The following PLXNB1 variants were observed in gnomAD, a reference collection of about 807,000 sequenced individuals.
The protein encoded by PLXNB1 is plexin-B1.
In PLXNB1, 106 loss-of-function variants were observed where a neutral mutation model predicts 209.4. That is an observed-to-expected ratio of 0.51 (90% CI 0.43 to 0.59). PLXNB1 has a LOEUF of 0.59. Ranked by LOEUF, PLXNB1 falls within the 20% of genes least tolerant of loss-of-function variation. The probability of loss-of-function intolerance (pLI) is 0.00; values close to 1 mark genes in which losing one functional copy is unlikely to be tolerated. For synonymous variants in PLXNB1, 1,167 were observed against 1,183.2 expected, an observed-to-expected ratio of 0.99 and a Z score of 0.28; for missense variants, 2,357 against 2,853.2, an observed-to-expected ratio of 0.83 and a Z score of 3.96.
chr3:48,416,532 C>G lies in PLXNB1; in HGVS notation c.3375-81G>C. On this transcript the variant is annotated intron_variant, in intron 16 of 37. Coordinates refer to ENST00000296440, the MANE Select transcript of PLXNB1 (RefSeq NM_001130082.3). The surrounding 1 kb of genome is among the most constrained non-coding windows in gnomAD (Gnocchi z 4.1). Reference sequence around the variant, plus strand: ...TTACCTGGCAGCCCCTCTCCCTGCCCTACTGTCAGGTGGTCTTCCCCTTCC... The same window carrying G: ...TTACCTGGCAGCCCCTCTCCCTGCCGTACTGTCAGGTGGTCTTCCCCTTCC... 1.1e-6 allele frequency: 1 copy of G among 872,502 alleles called. No individual in the cohort carries two copies. The highest frequency in any genetic ancestry group is 1.8e-6 in the Non-Finnish European group (1 of 551,574). The allele number at this position is 872,502 out of a possible 1,614,324, so 54.0% of individuals were successfully genotyped here. A position where few individuals can be genotyped will look rare whatever the true frequency, so the allele number is the denominator to read the frequency against.
intron 34 of PLXNB1, among the ~76,000 whole-genome samples, chr3:48,407,555 G>A (rs568725640): frequency 3.3e-5 from 5 of 152,304 alleles, no homozygotes; most frequent in Non-Finnish European, 5.9e-5. Context: ...TAGACACAGC[G>A]TCTACAACTG....
Position 48,409,528 on chromosome 3 carries a change from A to G in PLXNB1, c.5939+43T>C. The G allele has an allele frequency of 6.2e-7, 1 of 1,613,914 alleles. No homozygotes were observed. The highest frequency in any genetic ancestry group is 8.5e-7 in the Non-Finnish European group (1 of 1,179,860). ...GAATGTGCTGGGGAGGCAGAAGAGA[A>G]GACCCCCCACACACACCTAGAGCCC... On this transcript the variant is annotated intron_variant, in intron 33 of 37. Transcript: ENST00000296440. This position sits in a 1 kb window ranked among gnomAD's most constrained non-coding sequence, Gnocchi z 5.8.
intron 1 of PLXNB1, among the ~76,000 whole-genome samples, chr3:48,425,610 G>C (rs1305632770): frequency 1.3e-5 from 2 of 152,134 alleles, no homozygotes; most frequent in African/African-American, 2.4e-5. Flanking sequence ...GCAGGGCCCA[G>C]CCAGGCCCCC....
chr3:48,423,436 C>T, intron 3 of PLXNB1, 69 bp downstream of exon 3: 2 of 1,547,104 alleles, frequency 1.3e-6, no homozygotes, highest in East Asian at 2.3e-5. Flanking sequence ...CTCTGGGCAG[C>T]TCCTTGGCTG....
chr3:48,424,414 G>A lies in PLXNB1; in HGVS notation c.198C>T (p.Ala66=). Residue 66 remains alanine (A), a synonymous_variant, in exon 3 of 38, where the codon GCC becomes GCT. Coordinates refer to ENST00000296440, the MANE Select transcript of PLXNB1 (RefSeq NM_001130082.3). ...CTAGCACAGGGCCGGTGGACACTGTGGCCTCCAGCTGCAGCCCAGGGCTCA... is the reference window on the plus strand; with the variant it reads ...CTAGCACAGGGCCGGTGGACACTGTAGCCTCCAGCTGCAGCCCAGGGCTCA... ...FQLSPGLQLE[A]TVSTGPVLDS... 1 of 1,567,282 alleles carries A rather than the reference G, an allele frequency of 6.4e-7. No individual in the cohort carries two copies. The highest frequency in any genetic ancestry group is 1.2e-5 in the South Asian group (1 of 85,434).
rs1168464275 is a variant in PLXNB1, at chr3:48,415,375, G to GT, written c.3795-29dup. The GT allele has an allele frequency of 7.5e-6, 12 of 1,603,396 alleles. No individual in the cohort carries two copies. The highest frequency in any genetic ancestry group is 1.0e-5 in the Non-Finnish European group (12 of 1,172,600). On this transcript the variant is annotated intron_variant, in intron 19 of 37. Transcript: ENST00000296440. This position sits in a 1 kb window ranked among gnomAD's most constrained non-coding sequence, Gnocchi z 5.0. ...GAAACAGACCGTGAGCTTACGTAAC[G>GT]TAAGATGGCTTATGTTACCTGGACC...
chr3:48,403,934 T>G lies in PLXNB1; in HGVS notation c.*552A>C, dbSNP rs536992710. On this transcript the variant is annotated 3_prime_UTR_variant, in exon 38 of 38. Coordinates refer to ENST00000296440, the MANE Select transcript of PLXNB1 (RefSeq NM_001130082.3). ...AAGACCCCCCTGCAGCAGATAGCCCTCACCATGGCTACCTATGAGGCAGGG... is the reference window on the plus strand; with the variant it reads ...AAGACCCCCCTGCAGCAGATAGCCCGCACCATGGCTACCTATGAGGCAGGG... 1 of 153,996 alleles carries G rather than the reference T, an allele frequency of 6.5e-6. No homozygotes were observed. The highest frequency in any genetic ancestry group is 2.4e-5 in the African/African-American group (1 of 41,496). 9.5% of individuals were successfully genotyped at this position (153,996 alleles called of 1,614,324 possible). A position where few individuals can be genotyped will look rare whatever the true frequency, so the allele number is the denominator to read the frequency against.
At chr3:48,407,203 A>C in intron 34 of PLXNB1, 112 bp from the exon 35 acceptor site, 1 of 976,558 alleles carries the variant, frequency 1.0e-6, no homozygotes, top group Non-Finnish European at 1.6e-6. Flanking sequence ...GAAAAGGAAA[A>C]GTCTCACATC....
chr3:48,419,622 C>A lies in PLXNB1; in HGVS notation c.2664G>T (p.Pro888=), dbSNP rs754212073. 5.6e-6 allele frequency: 9 copies of A among 1,612,436 alleles called. No individual in the cohort carries two copies. Among genetic ancestry groups the A allele is most frequent in the Admixed American group, 3.3e-5 (2 of 60,012 alleles). ...TGTCATACTGGTAGTCGAGGCTGGACGGGAGGATGAGGGGGGCGGGAGGGC... is the reference window on the plus strand; with the variant it reads ...TGTCATACTGGTAGTCGAGGCTGGAAGGGAGGATGAGGGGGGCGGGAGGGC... ...LEGPPAPLIL[P]SSLDYQYDTP... Residue 888 remains proline, a synonymous_variant, in exon 11 of 38, where the codon CCG becomes CCT. Transcript: ENST00000296440. The surrounding 1 kb of genome is among the most constrained non-coding windows in gnomAD (Gnocchi z 5.7).
rs1265499844 is a variant in PLXNB1 at position 48,419,518 on chromosome 3, G to C, written c.2709+59C>G. On this transcript the variant is annotated intron_variant, in intron 11 of 37. Coordinates refer to ENST00000296440, the MANE Select transcript of PLXNB1 (RefSeq NM_001130082.3). This position sits in a 1 kb window ranked among gnomAD's most constrained non-coding sequence, Gnocchi z 5.7. The stretch of plus-strand genomic sequence containing the variant: ...CAGTGCAGAATCACAAGGCAAGCTA[G>C]GGGTAGCATCTTCCCCACATCCCCT... 7.2e-6 allele frequency: 11 copies of C among 1,536,324 alleles called. No homozygotes were observed. Among genetic ancestry groups the C allele is most frequent in the African/African-American group, 1.4e-5 (1 of 73,602 alleles).
intron 8 of PLXNB1, 133 bp downstream of exon 8, chr3:48,421,095 G>C (rs1362692566): frequency 7.7e-7 from 1 of 1,292,362 alleles, no homozygotes; most frequent in East Asian, 2.3e-5. Flanking sequence ...GGAGGCTTCA[G>C]GTGGTTGGGG....
Position 48,411,751 on chromosome 3 carries a change from T to G in PLXNB1, c.5247+112A>C. On this transcript the variant is annotated intron_variant, in intron 28 of 37. Transcript: ENST00000296440. This position sits in a 1 kb window ranked among gnomAD's most constrained non-coding sequence, Gnocchi z 4.0. Reference sequence around the variant, plus strand: ...AGCCAGCCAGAGGTCAACCCAGCTCTACATCCAGGTACCACATCAGAAGCT... The same window carrying G: ...AGCCAGCCAGAGGTCAACCCAGCTCGACATCCAGGTACCACATCAGAAGCT... 7.9e-7 allele frequency: 1 copy of G among 1,269,940 alleles called. No individual in the cohort carries two copies. Among genetic ancestry groups the G allele is most frequent in the South Asian group, 1.4e-5 (1 of 72,654 alleles). The allele number at this position is 1,269,940 out of a possible 1,614,324, so 78.7% of individuals were successfully genotyped here. A position where few individuals can be genotyped will look rare whatever the true frequency, so the allele number is the denominator to read the frequency against.
chr3:48,415,890 C>T lies in PLXNB1; in HGVS notation c.3618-131G>A. On this transcript the variant is annotated intron_variant, in intron 18 of 37. Transcript: ENST00000296440. This position sits in a 1 kb window ranked among gnomAD's most constrained non-coding sequence, Gnocchi z 5.0. ...TGTCCCTGGAGGTGCACTCCCACCACAGCTGGCTAGGGAGGGTCTGGCCAC... is the reference window on the plus strand; with the variant it reads ...TGTCCCTGGAGGTGCACTCCCACCATAGCTGGCTAGGGAGGGTCTGGCCAC... The T allele has an allele frequency of 7.4e-7, 1 of 1,342,674 alleles. No individual in the cohort carries two copies. Among genetic ancestry groups the T allele is most frequent in the Non-Finnish European group, 1.0e-6 (1 of 985,866 alleles). 83.2% of individuals were successfully genotyped at this position (1,342,674 alleles called of 1,614,324 possible). A position where few individuals can be genotyped will look rare whatever the true frequency, so the allele number is the denominator to read the frequency against.
In PLXNB1 at chr3:48,410,060, C is replaced by G. The variant is rs1221989405; in HGVS notation, c.5623G>C (p.Asp1875His). Residue 1875 changes from aspartate (D) to histidine (H), a missense_variant, in exon 32 of 38, where the codon GAT (aspartate) becomes CAT (histidine). Asp to His is a moderately conservative substitution (Grantham distance 81). Transcript: ENST00000296440. This position sits in a 1 kb window ranked among gnomAD's most constrained non-coding sequence, Gnocchi z 6.4. Reference protein sequence around the residue: ...VPGERTPMLEDVDEGGIRPWH... With the variant: ...VPGERTPMLEHVDEGGIRPWH... ...GGCCGGATGCCCCCCTCATCTACAT[C>G]CTCCAGCATTGGGGTCCCTGTGCCA... 6.3e-7 allele frequency: 1 copy of G among 1,596,302 alleles called. No homozygotes were observed. The highest frequency in any genetic ancestry group is 8.6e-7 in the Non-Finnish European group (1 of 1,169,380).
In PLXNB1 at chr3:48,411,534, A is replaced by AG. The variant is rs1310445939; in HGVS notation, c.5247+328dup. ...TGGTGGGCAAGGCCGCATTCCTGGTAGGAGGGCCAGGCAGACAGGGTCAGG... is the reference window on the plus strand; with the variant it reads ...TGGTGGGCAAGGCCGCATTCCTGGTAGGGAGGGCCAGGCAGACAGGGTCAGG... On this transcript the variant is annotated intron_variant, in intron 28 of 37. Transcript: ENST00000296440. The surrounding 1 kb of genome is among the most constrained non-coding windows in gnomAD (Gnocchi z 4.0). Among the ~76,000 whole-genome samples, 1 of 152,172 alleles carries AG rather than the reference A, an allele frequency of 6.6e-6. No individual in the cohort carries two copies. Among genetic ancestry groups the AG allele is most frequent in the Non-Finnish European group, 1.5e-5 (1 of 68,018 alleles).
Position 48,419,746 on chromosome 3 carries a change from C to A in PLXNB1, c.2540G>T (p.Gly847Val). ...CCACTCGTCCGCCTCGGGCAGCTCG[C>A]CGCCTTCTCTCGTGAGCCAGTCCAG... ...PALDWLTREG[G>V]ELPEADEWTG... is the part of the protein sequence containing the mutation. Residue 847 changes from glycine (G) to valine (V), a missense_variant, in exon 11 of 38, where the codon GGC becomes GTC. Transcript: ENST00000296440. The surrounding 1 kb of genome is among the most constrained non-coding windows in gnomAD (Gnocchi z 5.7). 1 of 1,610,024 alleles carries A rather than the reference C, an allele frequency of 6.2e-7. No individual in the cohort carries two copies. The highest frequency in any genetic ancestry group is 8.5e-7 in the Non-Finnish European group (1 of 1,178,934).
In PLXNB1 at chr3:48,409,218, A is replaced by G; in HGVS notation, c.6087+111T>C. Reference sequence around the variant, plus strand: ...ATGAAGCCTTGGCTTGGGAGGTCAGAGGTCTCCCCTAAGCCCTCCTTGAAG... The same window carrying G: ...ATGAAGCCTTGGCTTGGGAGGTCAGGGGTCTCCCCTAAGCCCTCCTTGAAG... On this transcript the variant is annotated intron_variant, in intron 34 of 37. Coordinates refer to ENST00000296440, the MANE Select transcript of PLXNB1 (RefSeq NM_001130082.3). This position sits in a 1 kb window ranked among gnomAD's most constrained non-coding sequence, Gnocchi z 5.8. 2.3e-6 allele frequency: 3 copies of G among 1,291,092 alleles called. No individual in the cohort carries two copies. Among genetic ancestry groups the G allele is most frequent in the Non-Finnish European group, 3.2e-6 (3 of 936,720 alleles). 80.0% of individuals were successfully genotyped at this position (1,291,092 alleles called of 1,614,324 possible). A position where few individuals can be genotyped will look rare whatever the true frequency, so the allele number is the denominator to read the frequency against.
In PLXNB1 at chr3:48,420,018, A is replaced by T. The variant is rs1163570902; in HGVS notation, c.2268T>A (p.His756Gln). 1.9e-6 allele frequency: 3 copies of T among 1,606,748 alleles called. No individual in the cohort carries two copies. The highest frequency in any genetic ancestry group is 2.6e-6 in the Non-Finnish European group (3 of 1,175,530). ...GGGGGCTGGGAGGGGAGGGCTCCTC[A>T]TGGAGAGGCGACCCTGTGGAGCCAG... ...SSPGSTGSPLHEEPSPPSPQN... is the reference protein window; with the variant it reads ...SSPGSTGSPLQEEPSPPSPQN... The change falls in exon 11 of 38, where the codon CAT becomes CAA. Residue 756 changes from histidine (H) to glutamine (Q), a missense_variant. By Grantham distance (24) the His-to-Gln change is conservative. Around this residue, in one of 7 missense-constraint regions of PLXNB1, gnomAD observed 410 missense variants for 401.0 expected, o/e 1.02. Coordinates refer to ENST00000296440, the MANE Select transcript of PLXNB1 (RefSeq NM_001130082.3).
rs2038942099 is a variant in PLXNB1, at chr3:48,427,261, G to A, written c.-59-1928C>T. Among the ~76,000 whole-genome samples the A allele has an allele frequency of 3.9e-5, 6 of 151,968 alleles. No homozygotes were observed. The South Asian group carries it at 1.2e-3, about 32-fold the overall frequency. The stretch of plus-strand genomic sequence containing the variant: ...GCGGGATCAGAACAGCTCCTGGCCA[G>A]GCCACTGAGGAGGTCGGCCGCTGAC... On this transcript the variant is annotated intron_variant, in intron 1 of 37. Coordinates refer to ENST00000296440, the MANE Select transcript of PLXNB1 (RefSeq NM_001130082.3).
Sources: gnomAD v4.1 joint callset for allele counts (sites outside exome capture counted in the v4.1 genomes callset) on GRCh38, gnomAD v4.1.1 for gene constraint, gnomAD v4.1.1 regional missense constraint, Gnocchi (gnomAD v3.1) non-coding constraint, MANE v1.5 for transcripts, NCBI Gene and HGNC (gene_info 2026-07-23, HGNC 2026-07-21) for gene names.